RSBN1L: variants seen among roughly 807,000 people sequenced by gnomAD.
RSBN1L encodes lysine-specific demethylase RSBN1L.
RSBN1L carries 30 observed loss-of-function variants against 67.7 expected under a neutral mutation model. That is an observed-to-expected ratio of 0.44 (90% CI 0.33 to 0.60). The LOEUF (loss-of-function observed/expected upper bound fraction) is 0.60. Among genes scored for constraint, RSBN1L ranks in the 20% least tolerant of loss-of-function variants. RSBN1L has a pLI of 0.02. For missense variants in RSBN1L, 992 were observed against 1,031.7 expected (o/e 0.96, Z 0.53); for synonymous variants, 433 against 387.0 (o/e 1.12, Z -1.39).
At chr7:77,756,411 G>C (rs1045876413) in intron 3 of RSBN1L, among the ~76,000 whole-genome samples, 2 of 152,074 alleles carry the variant, frequency 1.3e-5, no homozygotes, top group African/African-American at 4.8e-5. Context: ...GGGTTTACAG[G>C]CATGAGCCAC....
chr7:77,739,617 G>A (rs1404978621), intron 2 of RSBN1L, among the ~76,000 whole-genome samples: 2 of 147,168 alleles, frequency 1.4e-5, no homozygotes, highest in Non-Finnish European at 3.0e-5. Context: ...TGAGGCTGAG[G>A]CAGGAGAATT....
intron 2 of RSBN1L, among the ~76,000 whole-genome samples, chr7:77,744,023 G>A (rs1240884011): frequency 1.3e-5 from 2 of 151,732 alleles, no homozygotes; most frequent in Non-Finnish European, 2.9e-5. Context: ...ACCATGTCTG[G>A]ACTGTTTTAC....
intron 1 of RSBN1L, among the ~76,000 whole-genome samples, chr7:77,698,483 T>C (rs967859584): frequency 2.6e-5 from 4 of 152,214 alleles, no homozygotes; most frequent in Non-Finnish European, 5.9e-5. Flanking sequence ...GTAAGTTCTC[T>C]GAAAGAGGAA....
At chr7:77,716,456 CTTTT>C (rs371514466) in intron 1 of RSBN1L, among the ~76,000 whole-genome samples, 1 of 140,396 alleles carries the variant, frequency 7.1e-6, no homozygotes. Context: ...TGTCTGGCTC[CTTTT>C]TTTTTTTTTC....
intron 1 of RSBN1L, among the ~76,000 whole-genome samples, chr7:77,711,621 G>A (rs1584276261): frequency 6.6e-6 from 1 of 152,194 alleles, no homozygotes; most frequent in Non-Finnish European, 1.5e-5. Context: ...AGGATTACAA[G>A]TGTGAGCCAA....
At chr7:77,766,731 A>G (rs1160898987) in intron 4 of RSBN1L, among the ~76,000 whole-genome samples, 2 of 152,126 alleles carry the variant, frequency 1.3e-5, no homozygotes, top group South Asian at 2.1e-4. Flanking sequence ...CACATAATCT[A>G]TAGGACATCT....
intron 1 of RSBN1L, among the ~76,000 whole-genome samples, chr7:77,723,100 G>A (rs898453331): frequency 5.3e-5 from 8 of 151,496 alleles, no homozygotes; most frequent in African/African-American, 9.7e-5. Flanking sequence ...CCGAGTAGCT[G>A]GGATTACAGG....
intron 3 of RSBN1L, among the ~76,000 whole-genome samples, chr7:77,752,310 A>G (rs2150426818): frequency 6.6e-6 from 1 of 152,346 alleles, no homozygotes; most frequent in East Asian, 1.9e-4. Context: ...TGACCTAAGC[A>G]TGTCAGCTGC....
At chr7:77,699,267 G>A (rs918164619) in intron 1 of RSBN1L, among the ~76,000 whole-genome samples, 4 of 152,096 alleles carry the variant, frequency 2.6e-5, no homozygotes, top group African/African-American at 9.7e-5. Context: ...TAGCTATAAA[G>A]ACACCTAAAC....
chr7:77,703,385 C>T (rs184322161), intron 1 of RSBN1L, among the ~76,000 whole-genome samples: 1 of 143,564 alleles, frequency 7.0e-6, no homozygotes, highest in East Asian at 2.2e-4. Context: ...AGCTTTTTGT[C>T]TTTATACATT....
rs762612229 is a variant in RSBN1L, at chr7:77,722,693, CTCT to C, written c.587-13710_587-13708del. Reference sequence around the variant, plus strand: ...CTTCTGCTTCAAATTCTTTACATTTCTCTTCTTCTGCCGCTGCTTGTTCTCTCA... The same window carrying C: ...CTTCTGCTTCAAATTCTTTACATTTCTCTTCTGCCGCTGCTTGTTCTCTCA... On this transcript the variant is annotated intron_variant, in intron 1 of 7. Coordinates refer to ENST00000334955, the MANE Select transcript of RSBN1L (RefSeq NM_198467.3). 4.0e-5 allele frequency among the ~76,000 whole-genome samples: 6 copies of C among 151,792 alleles called. No homozygotes were observed. In the South Asian group the frequency reaches 8.3e-4, roughly 21 times the overall value.
chr7:77,767,997 C>T (rs537637312), intron 4 of RSBN1L, among the ~76,000 whole-genome samples: 220 of 150,072 alleles, frequency 1.5e-3, no homozygotes, highest in African/African-American at 4.7e-3. Flanking sequence ...ACTACAGGTG[C>T]GCGCCACCAT....
intron 5 of RSBN1L, among the ~76,000 whole-genome samples, chr7:77,771,328 CAG>C (rs1791847578): frequency 1.3e-5 from 2 of 152,068 alleles, no homozygotes; most frequent in East Asian, 1.9e-4. Flanking sequence ...AAAAAGAAAA[CAG>C]GGAAAAAGTC....
intron 3 of RSBN1L, among the ~76,000 whole-genome samples, chr7:77,756,778 CAAAAG>C (rs1159375075): frequency 3.9e-5 from 6 of 152,060 alleles, no homozygotes; most frequent in Non-Finnish European, 7.4e-5. Flanking sequence ...GACTCCGTCT[CAAAAG>C]AAAAGGAAGA....
chr7:77,697,747 A>T (rs2150409945), intron 1 of RSBN1L, among the ~76,000 whole-genome samples: 1 of 152,292 alleles, frequency 6.6e-6, no homozygotes, highest in African/African-American at 2.4e-5. Context: ...TAAAACCAGG[A>T]GCTTTGACGA....
chr7:77,745,876 A>G lies in RSBN1L; in HGVS notation c.704-3548A>G, dbSNP rs189804059. On this transcript the variant is annotated intron_variant, in intron 2 of 7. Coordinates refer to ENST00000334955, the MANE Select transcript of RSBN1L (RefSeq NM_198467.3). ...GTATCATCTCAGATCGTTAGGCATTAGAGTCTCCATAAGGAGCAGGCAACC... is the reference window on the plus strand; with the variant it reads ...GTATCATCTCAGATCGTTAGGCATTGGAGTCTCCATAAGGAGCAGGCAACC... Among the ~76,000 whole-genome samples, 520 of 152,330 alleles carry G rather than the reference A, an allele frequency of 3.4e-3. 3 individuals carry two copies. The highest frequency in any genetic ancestry group is 4.3e-3 in the Non-Finnish European group (294 of 68,030).
intron 1 of RSBN1L, among the ~76,000 whole-genome samples, chr7:77,719,454 G>C (rs991625518): frequency 2.0e-5 from 3 of 152,160 alleles, no homozygotes; most frequent in African/African-American, 7.2e-5. Flanking sequence ...TAATGTAATT[G>C]TATAATGTGG....
intron 1 of RSBN1L, among the ~76,000 whole-genome samples, chr7:77,716,624 CTTTTTTTTTTT>C (rs61611975): frequency 2.7e-5 from 2 of 75,290 alleles, no homozygotes; most frequent in African/African-American, 5.1e-5. Flanking sequence ...GTATCTTCAT[CTTTTTTTTTTT>C]TTTTTTTTTT....
chr7:77,744,928 T>C (rs1332995355), intron 2 of RSBN1L, among the ~76,000 whole-genome samples: 2 of 152,316 alleles, frequency 1.3e-5, no homozygotes, highest in East Asian at 1.9e-4. Context: ...TAGTTTTTGT[T>C]GTTTTCAGGG....
Sources: gnomAD v4.1 joint callset for allele counts (sites outside exome capture counted in the v4.1 genomes callset) on GRCh38, gnomAD v4.1.1 for gene constraint, MANE v1.5 for transcripts, NCBI Gene and HGNC (gene_info 2026-07-23, HGNC 2026-07-21) for gene names.